Variants in PDE11A observed in about 807,000 individuals in gnomAD.
The protein encoded by PDE11A is phosphodiesterase 11A.
In PDE11A, 100 loss-of-function variants were observed where a neutral mutation model predicts 100.5. That is an observed-to-expected ratio of 1.00 (90% CI 0.85 to 1.18). PDE11A has a LOEUF of 1.18. Among genes scored for constraint, PDE11A ranks in the 50% most tolerant of loss-of-function variants. PDE11A has a pLI of 0.00. For missense variants in PDE11A, 1,141 were observed against 1,152.6 expected (o/e 0.99, Z 0.15); for synonymous variants, 381 against 420.8 (o/e 0.91, Z 1.16).
intron 15 of PDE11A, among the ~76,000 whole-genome samples, chr2:177,695,469 G>A (rs752560733): frequency 6.6e-6 from 1 of 152,108 alleles, no homozygotes; most frequent in Non-Finnish European, 1.5e-5. Context: ...AATGTAACTG[G>A]ACTTTCTGTA....
At chr2:177,979,905 C>T (rs1218656658) in intron 2 of PDE11A, among the ~76,000 whole-genome samples, 2 of 150,268 alleles carry the variant, frequency 1.3e-5, no homozygotes, top group African/African-American at 4.9e-5. Context: ...CCACCGCGCC[C>T]GGCAGATGAT....
At chr2:177,840,178 T>C (rs758320890) in intron 6 of PDE11A, 73 bp downstream of exon 6, 1 of 1,473,000 alleles carries the variant, frequency 6.8e-7, no homozygotes, top group South Asian at 1.1e-5. Context: ...TAAGTATTCC[T>C]TTTTGTGTTT....
intron 5 of PDE11A, among the ~76,000 whole-genome samples, chr2:177,860,533 C>G (rs1477274341): frequency 6.6e-6 from 1 of 151,616 alleles, no homozygotes; most frequent in Non-Finnish European, 1.5e-5. Flanking sequence ...AAAGAAGACT[C>G]TTTTTTAAAA....
At chr2:177,705,588 C>A (rs933900443) in intron 13 of PDE11A, among the ~76,000 whole-genome samples, 2 of 152,194 alleles carry the variant, frequency 1.3e-5, no homozygotes, top group Non-Finnish European at 1.5e-5. Context: ...GCACTTTGCA[C>A]AGGCACCAAA....
chr2:177,918,504 A>C lies in PDE11A; in HGVS notation c.1072-13317T>G, dbSNP rs192395018. On this transcript the variant is annotated intron_variant, in intron 2 of 19. Transcript: ENST00000286063. ...AGCAGAAAATAGTAAATGAGAAAAC[A>C]ACCATTAGAATTGATAAATAAATCC... Among the ~76,000 whole-genome samples the C allele has an allele frequency of 2.3e-3, 353 of 152,372 alleles. 1 individual carries two copies. The highest frequency in any genetic ancestry group is 8.2e-3 in the African/African-American group (341 of 41,592).
At chr2:177,920,991 G>A (rs2085034153) in intron 2 of PDE11A, among the ~76,000 whole-genome samples, 1 of 151,562 alleles carries the variant, frequency 6.6e-6, no homozygotes. Flanking sequence ...GAACCCGGGA[G>A]GCAGAGCTTG....
At chr2:177,737,450 A>ACACACACAC (rs2081806125) in intron 10 of PDE11A, among the ~76,000 whole-genome samples, 1 of 48,528 alleles carries the variant, frequency 2.1e-5, no homozygotes, top group East Asian at 1.2e-3. Flanking sequence ...CACACACACA[A>ACACACACAC]ATTAGCCAGG....
chr2:177,815,563 T>G (rs1365605331), intron 9 of PDE11A, among the ~76,000 whole-genome samples: 2 of 152,148 alleles, frequency 1.3e-5, no homozygotes, highest in African/African-American at 4.8e-5. Flanking sequence ...TCCTTCCTCC[T>G]TCTTTCCCTC....
intron 2 of PDE11A, among the ~76,000 whole-genome samples, chr2:177,958,706 G>C (rs13402636): frequency 0.063 from 9,563 of 152,282 alleles, 313 homozygotes; most frequent in South Asian, 0.094. Context: ...CTTAAACTGA[G>C]CAACTCTCAG....
chr2:177,720,864 C>A (rs2081516219), intron 12 of PDE11A, among the ~76,000 whole-genome samples: 2 of 152,142 alleles, frequency 1.3e-5, no homozygotes, highest in African/African-American at 4.8e-5. Context: ...TCTTTCCCAA[C>A]CAGAAGCTTC....
At chr2:178,016,966 A>G (rs954049925) in intron 1 of PDE11A, among the ~76,000 whole-genome samples, 2 of 152,236 alleles carry the variant, frequency 1.3e-5, no homozygotes, top group African/African-American at 4.8e-5. Flanking sequence ...AGCATTGGCC[A>G]CTATTTAGCA....
chr2:178,001,311 T>TGTGTGTG (rs59287027), intron 2 of PDE11A, among the ~76,000 whole-genome samples: 12 of 148,108 alleles, frequency 8.1e-5, no homozygotes, highest in Non-Finnish European at 9.0e-5. Context: ...TGTGTGTGTG[T>TGTGTGTG]AGTAGGTTTA....
chr2:177,911,612 G>T (rs927441131), intron 2 of PDE11A, among the ~76,000 whole-genome samples: 1 of 152,128 alleles, frequency 6.6e-6, no homozygotes, highest in Non-Finnish European at 1.5e-5. Context: ...GGCCAGGCGC[G>T]GTGGCTTATG....
chr2:177,700,934 A>G (rs547534853), intron 14 of PDE11A, among the ~76,000 whole-genome samples, 187 bp downstream of exon 14: 42 of 152,334 alleles, frequency 2.8e-4, no homozygotes, highest in Non-Finnish European at 5.1e-4. Context: ...CAGCTCAGGA[A>G]GACTCTGCAA....
At chr2:178,024,399 A>T (rs1191408823) in intron 1 of PDE11A, among the ~76,000 whole-genome samples, 3 of 152,174 alleles carry the variant, frequency 2.0e-5, no homozygotes, top group Non-Finnish European at 1.5e-5. Context: ...GCAACAGAGC[A>T]AGATTCCATC....
intron 10 of PDE11A, among the ~76,000 whole-genome samples, chr2:177,738,723 C>T (rs939485691): frequency 1.7e-4 from 26 of 152,320 alleles, no homozygotes; most frequent in African/African-American, 5.8e-4. Flanking sequence ...AGGGCACAAC[C>T]ACTATTCCTT....
intron 9 of PDE11A, among the ~76,000 whole-genome samples, chr2:177,807,711 C>A (rs973387716): frequency 7.2e-5 from 11 of 152,266 alleles, no homozygotes; most frequent in African/African-American, 2.4e-4. Flanking sequence ...TAGGCGTGAG[C>A]CACCAGGCCT....
At chr2:177,796,282 G>A (rs2082707371) in intron 9 of PDE11A, among the ~76,000 whole-genome samples, 1 of 151,990 alleles carries the variant, frequency 6.6e-6, no homozygotes. Flanking sequence ...AAAAGTCCAT[G>A]GATTTCCGGG....
intron 1 of PDE11A, among the ~76,000 whole-genome samples, chr2:178,044,167 G>T (rs1021897152): frequency 6.6e-6 from 1 of 151,902 alleles, no homozygotes; most frequent in Non-Finnish European, 1.5e-5. Flanking sequence ...AAACATAGAA[G>T]AAATAAAATA....
Sources: allele counts gnomAD v4.1 joint callset (sites outside exome capture counted in the v4.1 genomes callset), GRCh38; gene constraint gnomAD v4.1.1; transcripts MANE v1.5; gene names NCBI Gene and HGNC (gene_info 2026-07-23, HGNC 2026-07-21).